Variants in PAWR observed in about 807,000 individuals in gnomAD.
PAWR encodes PRKC apoptosis WT1 regulator protein.
PAWR carries 23 observed loss-of-function variants against 32.0 expected under a neutral mutation model. That is an observed-to-expected ratio of 0.72 (90% confidence interval 0.52 to 1.02). The LOEUF is 1.02. PAWR is among the 50% of genes least tolerant of loss of function. The pLI is 0.00. For synonymous variants in PAWR, 226 were observed against 187.1 expected (o/e 1.21, Z -1.70); for missense variants, 457 against 437.7 (o/e 1.04, Z -0.39).
chr12:79,608,238 GCCAT>G (rs1004790358), intron 4 of PAWR, among the ~76,000 whole-genome samples: 16 of 152,100 alleles, frequency 1.1e-4, no homozygotes, highest in Admixed American at 5.9e-4. Context: ...TTCTTAACTG[GCCAT>G]CCCCAACCTT....
At chr12:79,686,852 T>C (rs1251300842) in intron 2 of PAWR, among the ~76,000 whole-genome samples, 1 of 152,172 alleles carries the variant, frequency 6.6e-6, no homozygotes, top group Admixed American at 6.5e-5. Flanking sequence ...TTTTAAACTG[T>C]TAACTCAGTA....
At chr12:79,659,369 A>G (rs1476081109) in intron 2 of PAWR, among the ~76,000 whole-genome samples, 3 of 152,178 alleles carry the variant, frequency 2.0e-5, no homozygotes, top group Non-Finnish European at 4.4e-5. Context: ...CATTTTAGAC[A>G]TCGGGAAAGG....
intron 2 of PAWR, among the ~76,000 whole-genome samples, chr12:79,638,209 A>T (rs1876060729): frequency 6.6e-6 from 1 of 151,376 alleles, no homozygotes; most frequent in Non-Finnish European, 1.5e-5. Context: ...TTATTTTTTC[A>T]ACTCTCACCA....
Position 79,588,928 on chromosome 12 carries a change from T to C in PAWR, c.*3679A>G, listed in dbSNP as rs1873466764. On this transcript the variant is annotated 3_prime_UTR_variant, in exon 7 of 7. Coordinates refer to ENST00000328827, the MANE Select transcript of PAWR (RefSeq NM_002583.4). Reference sequence around the variant, plus strand: ...ATGGGGGGAGGTGCCTTAGTTGATGTGCCTGATAAGCAAACTGTTAGTTGT... The same window carrying C: ...ATGGGGGGAGGTGCCTTAGTTGATGCGCCTGATAAGCAAACTGTTAGTTGT... The C allele has an allele frequency of 6.6e-6, 1 of 151,982 alleles. No individual in the cohort carries two copies. The allele number at this position is 151,982 out of a possible 1,614,324, so 9.4% of individuals were successfully genotyped here.
chr12:79,663,320 T>C (rs1422933921), intron 2 of PAWR, among the ~76,000 whole-genome samples: 2 of 152,208 alleles, frequency 1.3e-5, no homozygotes, highest in Non-Finnish European at 2.9e-5. Context: ...TATTTCTTTA[T>C]CTTCTCTGTC....
intron 2 of PAWR, among the ~76,000 whole-genome samples, chr12:79,633,401 A>G (rs1460452832): frequency 6.6e-6 from 1 of 152,208 alleles, no homozygotes; most frequent in African/African-American, 2.4e-5. Context: ...ACATCATGTC[A>G]TTAGGGAAAT....
chr12:79,604,646 G>A (rs1193823834), intron 4 of PAWR: 11 of 1,287,118 alleles, frequency 8.5e-6, no homozygotes, highest in Non-Finnish European at 1.0e-5. Context: ...ATCTTTCACT[G>A]CCCCATTCTC....
At chr12:79,621,016 C>T (rs567975258) in intron 3 of PAWR, 60 bp downstream of exon 3, 1 of 1,256,162 alleles carries the variant, frequency 8.0e-7, no homozygotes, top group Non-Finnish European at 1.1e-6. Flanking sequence ...ACTCAAGAGG[C>T]ATAATTGAAA....
chr12:79,677,757 G>C (rs1370816295), intron 2 of PAWR, among the ~76,000 whole-genome samples: 1 of 152,134 alleles, frequency 6.6e-6, no homozygotes, highest in Non-Finnish European at 1.5e-5. Context: ...GTAATACATG[G>C]AGAAAAATTC....
At chr12:79,630,584 T>C (rs1227081651) in intron 2 of PAWR, among the ~76,000 whole-genome samples, 1 of 152,188 alleles carries the variant, frequency 6.6e-6, no homozygotes, top group African/African-American at 2.4e-5. Flanking sequence ...ATTACAGGTG[T>C]GGGCCACCAT....
At chr12:79,645,686 C>T (rs546642086) in intron 2 of PAWR, among the ~76,000 whole-genome samples, 14 of 152,156 alleles carry the variant, frequency 9.2e-5, no homozygotes, top group Non-Finnish European at 1.9e-4. Flanking sequence ...ATCTAAAACT[C>T]ATAAATTAAT....
At chr12:79,677,494 T>C (rs1878227897) in intron 2 of PAWR, among the ~76,000 whole-genome samples, 1 of 152,156 alleles carries the variant, frequency 6.6e-6, no homozygotes. Context: ...CAATGTCAAG[T>C]TTAAAGGCAG....
chr12:79,631,210 TAAAAG>T (rs1054733812), intron 2 of PAWR, among the ~76,000 whole-genome samples: 3 of 152,170 alleles, frequency 2.0e-5, no homozygotes, highest in Non-Finnish European at 2.9e-5. Context: ...CATTTAGTGG[TAAAAG>T]AAATCAATCT....
chr12:79,632,326 T>TACATAC (rs1566010924), intron 2 of PAWR, among the ~76,000 whole-genome samples: 1 of 33,320 alleles, frequency 3.0e-5, no homozygotes, highest in Non-Finnish European at 4.3e-5. Context: ...TATATATATA[T>TACATAC]ATATATATAT....
chr12:79,609,603 T>C (rs1202791178), intron 4 of PAWR, among the ~76,000 whole-genome samples: 1 of 152,058 alleles, frequency 6.6e-6, no homozygotes, highest in Non-Finnish European at 1.5e-5. Context: ...GCAGTTTGAC[T>C]TCAGAGTAAT....
chr12:79,644,314 G>C lies in PAWR; in HGVS notation c.517-23107C>G, dbSNP rs1876470581. Among the ~76,000 whole-genome samples the C allele has an allele frequency of 2.0e-5, 3 of 152,242 alleles. 1 individual carries two copies. The highest frequency in any genetic ancestry group is 2.0e-4 in the Admixed American group (3 of 15,288). Reference sequence around the variant, plus strand: ...TTGACATTTACTGAAAAATGCTCTTGTGCAGCGTCTTTTAAAGAATGATAA... The same window carrying C: ...TTGACATTTACTGAAAAATGCTCTTCTGCAGCGTCTTTTAAAGAATGATAA... On this transcript the variant is annotated intron_variant, in intron 2 of 6. Transcript: ENST00000328827.
intron 4 of PAWR, among the ~76,000 whole-genome samples, chr12:79,610,819 G>C (rs557149749): frequency 6.8e-6 from 1 of 146,248 alleles, no homozygotes; most frequent in Non-Finnish European, 1.5e-5. Context: ...CCCACAAATT[G>C]GTAACACTGA....
intron 4 of PAWR, among the ~76,000 whole-genome samples, chr12:79,612,897 C>G (rs775837952): frequency 1.1e-4 from 17 of 152,196 alleles, no homozygotes; most frequent in Non-Finnish European, 1.6e-4. Flanking sequence ...AGAAGTGTTA[C>G]TCATTGTGTA....
chr12:79,593,005 A>G (rs1288597014), intron 6 of PAWR, among the ~76,000 whole-genome samples: 1 of 152,122 alleles, frequency 6.6e-6, no homozygotes, highest in African/African-American at 2.4e-5. Flanking sequence ...TTTTTAGCTA[A>G]ACAAACTCCA....
Sources: gnomAD v4.1 joint callset for allele counts (sites outside exome capture counted in the v4.1 genomes callset) on GRCh38, gnomAD v4.1.1 for gene constraint, MANE v1.5 for transcripts, NCBI Gene and HGNC (gene_info 2026-07-23, HGNC 2026-07-21) for gene names.